Variants in ARMH1 observed in about 807,000 individuals in gnomAD.
The protein encoded by ARMH1 is armadillo-like helical domain containing protein 1.
In ARMH1, 34 loss-of-function variants were observed where a neutral mutation model predicts 50.2. That is an observed-to-expected ratio of 0.68 (90% CI 0.51 to 0.90). The LOEUF (loss-of-function observed/expected upper bound fraction) is 0.90, where lower values mean the gene tolerates loss of function less well. Ranked by LOEUF, ARMH1 falls within the 40% of genes least tolerant of loss-of-function variation. The pLI is 0.00. For synonymous variants in ARMH1, 221 were observed against 224.2 expected (o/e 0.99, Z 0.13); for missense variants, 538 against 553.9 (o/e 0.97, Z 0.29).
At chr1:44,692,365 T>C (rs1645684617) in intron 2 of ARMH1, among the ~76,000 whole-genome samples, 1 of 152,238 alleles carries the variant, frequency 6.6e-6, no homozygotes, top group South Asian at 2.1e-4. Flanking sequence ...CCAGGCTAGC[T>C]TAGGTTCCCT....
At chr1:44,689,620 G>A in intron 1 of ARMH1, 56 bp from the exon 2 acceptor site, 1 of 1,315,700 alleles carries the variant, frequency 7.6e-7, no homozygotes. Flanking sequence ...GAAAAATAAT[G>A]GAGTTGCATG....
In ARMH1 at chr1:44,703,560, T is replaced by TA. The variant is rs1186744272; in HGVS notation, c.640-510dup. 2.2e-3 allele frequency among the ~76,000 whole-genome samples: 237 copies of TA among 107,028 alleles called. 1 individual carries two copies. The highest frequency in any genetic ancestry group is 3.5e-3 in the African/African-American group (99 of 28,390). 70.2% of individuals were successfully genotyped at this position (107,028 alleles called of 152,430 possible). A position where few individuals can be genotyped will look rare whatever the true frequency, so the allele number is the denominator to read the frequency against. On this transcript the variant is annotated intron_variant, in intron 5 of 11. Coordinates refer to ENST00000535358, the MANE Select transcript of ARMH1 (RefSeq NM_001145636.2). The stretch of plus-strand genomic sequence containing the variant: ...CAACATGGGGAAACTCCGTCTCTAC[T>TA]AAAAAAAAAAAAAAAAAAATTAGCT...
At chr1:44,721,055 A>C (rs528900869) in intron 6 of ARMH1, among the ~76,000 whole-genome samples, 1 of 152,002 alleles carries the variant, frequency 6.6e-6, no homozygotes, top group Non-Finnish European at 1.5e-5. Context: ...ACAAAACAAA[A>C]AAAGGGCAAA....
intron 4 of ARMH1, among the ~76,000 whole-genome samples, chr1:44,700,220 T>C (rs980798939): frequency 6.6e-6 from 1 of 152,224 alleles, no homozygotes; most frequent in African/African-American, 2.4e-5. Flanking sequence ...AGCCTCAGTG[T>C]CTTCATCCAT....
chr1:44,696,284 C>T (rs750234171), intron 2 of ARMH1, among the ~76,000 whole-genome samples: 26 of 152,214 alleles, frequency 1.7e-4, no homozygotes, highest in Non-Finnish European at 3.7e-4. Flanking sequence ...ACACACCCCC[C>T]GCCCAAACAA....
chr1:44,710,190 C>T (rs1245854688), intron 6 of ARMH1, among the ~76,000 whole-genome samples: 1 of 152,248 alleles, frequency 6.6e-6, no homozygotes, highest in East Asian at 1.9e-4. Context: ...GACACCTCCT[C>T]CCCTGGCCCC....
chr1:44,680,996 C>CT (rs1333237982), intron 1 of ARMH1, among the ~76,000 whole-genome samples: 9,618 of 138,860 alleles, frequency 0.069, 1,241 homozygotes, highest in African/African-American at 0.25. Context: ...TTCCGATCCC[C>CT]TTTTTTTTTT....
intron 1 of ARMH1, among the ~76,000 whole-genome samples, chr1:44,686,943 C>T (rs1645491003): frequency 6.7e-6 from 1 of 149,312 alleles, no homozygotes; most frequent in Non-Finnish European, 1.5e-5. Context: ...CATAGTGAGA[C>T]CTCATTTCAG....
In ARMH1 at chr1:44,682,131, G is replaced by C. The variant is rs538314697; in HGVS notation, c.-23+7258G>C. ...TCTGTTTAATTAACTAATGTGCAGA[G>C]CTAAGGAAATTAAAGTGCACATTCT... is the stretch of plus-strand genomic sequence containing the variant. On this transcript the variant is annotated intron_variant, in intron 1 of 11. Transcript: ENST00000535358. This position sits in a 1 kb window ranked among gnomAD's most constrained non-coding sequence, Gnocchi z 4.5. 6.6e-6 allele frequency among the ~76,000 whole-genome samples: 1 copy of C among 152,342 alleles called. No individual in the cohort carries two copies. Among genetic ancestry groups the C allele is most frequent in the East Asian group, 1.9e-4 (1 of 5,192 alleles).
intron 6 of ARMH1, 58 bp downstream of exon 6, chr1:44,704,231 A>G: frequency 3.8e-6 from 5 of 1,302,086 alleles, no homozygotes; most frequent in Non-Finnish European, 5.4e-6. Context: ...TCAGCTCTCA[A>G]AAGCTTTCTC....
intron 1 of ARMH1, among the ~76,000 whole-genome samples, chr1:44,688,710 G>A (rs1489936382): frequency 6.6e-6 from 1 of 152,126 alleles, no homozygotes; most frequent in Non-Finnish European, 1.5e-5. Flanking sequence ...TCTCCCATCA[G>A]CACTAACATT....
intron 6 of ARMH1, chr1:44,721,807 C>T (rs375217619): frequency 6.6e-5 from 10 of 152,140 alleles, no homozygotes; most frequent in South Asian, 2.1e-4. Context: ...GGCAAGACTT[C>T]AAAAAATTTA....
intron 6 of ARMH1, among the ~76,000 whole-genome samples, chr1:44,715,585 A>C (rs1056969076): frequency 2.0e-5 from 3 of 151,846 alleles, no homozygotes; most frequent in Non-Finnish European, 2.9e-5. Flanking sequence ...TTTGAGATGG[A>C]GTCTCACTCT....
chr1:44,678,636 C>G (rs539217502), intron 1 of ARMH1, among the ~76,000 whole-genome samples: 2 of 152,140 alleles, frequency 1.3e-5, no homozygotes, highest in East Asian at 3.9e-4. Flanking sequence ...GGGACGGGAG[C>G]CCAAGGAGAA....
At chr1:44,716,415 C>A (rs576375740) in intron 6 of ARMH1, among the ~76,000 whole-genome samples, 35 of 152,222 alleles carry the variant, frequency 2.3e-4, no homozygotes, top group African/African-American at 7.9e-4. Context: ...AGTGGAGTGA[C>A]CTCTCTATAG....
At chr1:44,715,487 G>A (rs954399815) in intron 6 of ARMH1, among the ~76,000 whole-genome samples, 8 of 152,116 alleles carry the variant, frequency 5.3e-5, no homozygotes, top group Non-Finnish European at 8.8e-5. Context: ...GTTCCTCTTC[G>A]GATTGGAGCA....
At chr1:44,720,430 A>G (rs1647051440) in intron 6 of ARMH1, among the ~76,000 whole-genome samples, 1 of 152,156 alleles carries the variant, frequency 6.6e-6, no homozygotes, top group Non-Finnish European at 1.5e-5. Flanking sequence ...TGGAATGCAG[A>G]ATCCAATGAG....
At chr1:44,705,827 G>A (rs762403452) in intron 6 of ARMH1, among the ~76,000 whole-genome samples, 7 of 152,292 alleles carry the variant, frequency 4.6e-5, no homozygotes, top group Non-Finnish European at 1.0e-4. Flanking sequence ...TTAAGGAAGG[G>A]TTCACCGAGA....
At chr1:44,688,792 C>A (rs1176262232) in intron 1 of ARMH1, among the ~76,000 whole-genome samples, 1 of 152,174 alleles carries the variant, frequency 6.6e-6, no homozygotes, top group South Asian at 2.1e-4. Flanking sequence ...TTCCCTCCCC[C>A]CACTGAAAAT....
Sources: gnomAD v4.1 joint callset for allele counts (sites outside exome capture counted in the v4.1 genomes callset) on GRCh38, gnomAD v4.1.1 for gene constraint, Gnocchi (gnomAD v3.1) non-coding constraint, MANE v1.5 for transcripts, NCBI Gene and HGNC (gene_info 2026-07-23, HGNC 2026-07-21) for gene names.